The following FBXO17 variants were observed in gnomAD, a reference collection of about 807,000 sequenced individuals.
The protein encoded by FBXO17 is F-box protein 17.
In FBXO17, 43 loss-of-function variants were observed where a neutral mutation model predicts 34.1. The observed-to-expected ratio is 1.26, with a 90% confidence interval of 0.99 to 1.62. The LOEUF (loss-of-function observed/expected upper bound fraction) is 1.62. Ranked by LOEUF, FBXO17 falls within the 40% of genes most tolerant of loss-of-function variation. FBXO17 has a pLI of 0.00. For synonymous variants in FBXO17, 169 were observed against 166.0 expected, an observed-to-expected ratio of 1.02 and a Z score of -0.14; for missense variants, 424 against 386.7, an observed-to-expected ratio of 1.10 and a Z score of -0.81.
At chr19:38,974,306 G>C (rs1290731896) in intron 1 of FBXO17, among the ~76,000 whole-genome samples, 2 of 151,782 alleles carry the variant, frequency 1.3e-5, no homozygotes, top group Non-Finnish European at 2.9e-5. Context: ...TTGAATTCCT[G>C]ACCTCAGGTG....
intron 1 of FBXO17, among the ~76,000 whole-genome samples, chr19:38,960,041 C>G (rs1249366503): frequency 6.6e-6 from 1 of 152,148 alleles, no homozygotes; most frequent in Non-Finnish European, 1.5e-5. Context: ...CAAAAACTTT[C>G]CTCAAAGCCA....
chr19:38,945,037 T>C lies in FBXO17; in HGVS notation c.625A>G (p.Lys209Glu), dbSNP rs1340358323. ...LRVRLLDVYE[K>E]EVVKFSASPD... Reference sequence around the variant, plus strand: ...GAGGCTGAGAACTTGACCACTTCCTTTTCATACACATCCAGAAGGCGGACC... The same window carrying C: ...GAGGCTGAGAACTTGACCACTTCCTCTTCATACACATCCAGAAGGCGGACC... The change falls in exon 5 of 6, where the codon AAG becomes GAG. Residue 209 changes from lysine to glutamate, a missense_variant. Coordinates refer to ENST00000292852, the MANE Select transcript of FBXO17 (RefSeq NM_024907.7). The C allele has an allele frequency of 6.2e-7, 1 of 1,614,206 alleles. No individual in the cohort carries two copies.
intron 5 of FBXO17, among the ~76,000 whole-genome samples, chr19:38,943,932 T>C (rs1024059362): frequency 6.6e-6 from 1 of 152,184 alleles, no homozygotes; most frequent in African/African-American, 2.4e-5. Flanking sequence ...GGTTTTTAGT[T>C]GATTCACGAT....
At position 38,945,096 on chromosome 19, in the gene FBXO17, G is replaced by A; in HGVS notation, c.566C>T (p.Ala189Val). 1 of 1,614,138 alleles carries A rather than the reference G, an allele frequency of 6.2e-7. No individual in the cohort carries two copies. Among genetic ancestry groups the A allele is most frequent in the Non-Finnish European group, 8.5e-7 (1 of 1,180,032 alleles). The change falls in exon 5 of 6, where the codon GCT becomes GTT. Residue 189 changes from alanine (A) to valine (V), a missense_variant. By Grantham distance (64) the Ala-to-Val change is moderately conservative (BLOSUM62 0). Coordinates refer to ENST00000292852, the MANE Select transcript of FBXO17 (RefSeq NM_024907.7). ...IEICVADWWG[A>V]RENCGCVYQL... ...GTAGACGCAGCCGCAGTTCTCTCGAGCGCCCCACCTGCCAGGCAGCAGTCA... is the reference window on the plus strand; with the variant it reads ...GTAGACGCAGCCGCAGTTCTCTCGAACGCCCCACCTGCCAGGCAGCAGTCA...
At chr19:38,952,609 C>G (rs561914806) in intron 1 of FBXO17, 2 of 534,308 alleles carry the variant, frequency 3.7e-6, no homozygotes, top group African/African-American at 1.9e-5. Context: ...CAGATCATGA[C>G]TCCTCTCTTC....
rs76810166 is a variant in FBXO17, at chr19:38,965,155, A to G, written c.-18+10431T>C. On this transcript the variant is annotated intron_variant, in intron 1 of 5. Transcript: ENST00000292852. ...CATTTAAGTAAACAAGCAGAAGGAAAGTGAACTGACCCCAGAGGAAACAGA... is the reference window on the plus strand; with the variant it reads ...CATTTAAGTAAACAAGCAGAAGGAAGGTGAACTGACCCCAGAGGAAACAGA... Among the ~76,000 whole-genome samples, 813 of 152,224 alleles carry G rather than the reference A, an allele frequency of 5.3e-3. 3 individuals are homozygous for G. Among genetic ancestry groups the G allele is most frequent in the African/African-American group, 0.019 (796 of 41,552 alleles).
At chr19:38,956,406 T>G (rs1975168400) in intron 1 of FBXO17, among the ~76,000 whole-genome samples, 1 of 152,142 alleles carries the variant, frequency 6.6e-6, no homozygotes, top group African/African-American at 2.4e-5. Flanking sequence ...GAGCACTTAT[T>G]GGGCACATGA....
rs1974909397 is a variant in FBXO17, at chr19:38,942,700, C to G, written c.745G>C (p.Glu249Gln). 1 of 1,606,024 alleles carries G rather than the reference C, an allele frequency of 6.2e-7. No individual in the cohort carries two copies. Among genetic ancestry groups the G allele is most frequent in the Non-Finnish European group, 8.5e-7 (1 of 1,176,822 alleles). The change falls in exon 6 of 6, where the codon GAG becomes CAG. Residue 249 changes from glutamate (E) to glutamine (Q), a missense_variant. Physicochemically the swap from Glu to Gln is conservative, Grantham distance 29 (BLOSUM62 2). Transcript: ENST00000292852. ...FGKGIRYVSF[E>Q]QYGRDVSSWV... ...GAACTCACGTCTCTCCCGTACTGCT[C>G]AAAAGATACGTAGCGGATGCCCTTG... is the stretch of plus-strand genomic sequence containing the variant.
chr19:38,962,271 C>T (rs1410760094), intron 1 of FBXO17, among the ~76,000 whole-genome samples: 2 of 152,014 alleles, frequency 1.3e-5, no homozygotes, highest in Non-Finnish European at 2.9e-5. Flanking sequence ...TGACATGATG[C>T]TAAGTTTTTT....
chr19:38,949,906 G>A (rs1028821398), intron 2 of FBXO17, 65 bp downstream of exon 2: 2 of 1,442,254 alleles, frequency 1.4e-6, no homozygotes, highest in African/African-American at 2.9e-5. Flanking sequence ...ACTCTGTCCC[G>A]GCCCCGCCCC....
At chr19:38,945,254 GA>G (rs1974958481) in intron 4 of FBXO17, 150 bp from the exon 5 acceptor site, 2 of 1,050,308 alleles carry the variant, frequency 1.9e-6, no homozygotes, top group Non-Finnish European at 2.7e-6. Flanking sequence ...ACCTCTAGGG[GA>G]GGAGCCTTGG....
intron 1 of FBXO17, among the ~76,000 whole-genome samples, chr19:38,958,231 G>A (rs1314385077): frequency 1.3e-5 from 2 of 151,520 alleles, no homozygotes; most frequent in Admixed American, 6.6e-5. Flanking sequence ...AGCCAACATG[G>A]TGAAACCCGT....
At chr19:38,943,872 G>A (rs1471568947) in intron 5 of FBXO17, among the ~76,000 whole-genome samples, 2 of 152,206 alleles carry the variant, frequency 1.3e-5, no homozygotes, top group African/African-American at 4.8e-5. Flanking sequence ...TTACAGGCAT[G>A]AGCCACCACA....
At chr19:38,955,975 TTAATA>T (rs1231344168) in intron 1 of FBXO17, among the ~76,000 whole-genome samples, 2 of 152,000 alleles carry the variant, frequency 1.3e-5, no homozygotes, top group African/African-American at 4.8e-5. Context: ...TGATATTAAT[TTAATA>T]TTAGTCCAGG....
intron 1 of FBXO17, among the ~76,000 whole-genome samples, chr19:38,968,763 A>C (rs1568446372): frequency 6.6e-6 from 1 of 152,174 alleles, no homozygotes; most frequent in Non-Finnish European, 1.5e-5. Context: ...TAAACTCCAA[A>C]GCAATATGCT....
chr19:38,948,814 C>T (rs1975027494), intron 2 of FBXO17, 136 bp from the exon 3 acceptor site: 1 of 674,512 alleles, frequency 1.5e-6, no homozygotes, highest in East Asian at 2.8e-5. Context: ...CCTACCGACT[C>T]CTCCTCCCAT....
intron 1 of FBXO17, among the ~76,000 whole-genome samples, chr19:38,958,623 G>A (rs1429680775): frequency 6.6e-6 from 1 of 152,098 alleles, no homozygotes; most frequent in African/African-American, 2.4e-5. Flanking sequence ...GGGTTTTTGG[G>A]AGAGTGTGTG....
chr19:38,957,432 C>T (rs982763565), intron 1 of FBXO17, among the ~76,000 whole-genome samples: 4 of 151,974 alleles, frequency 2.6e-5, no homozygotes, highest in African/African-American at 7.2e-5. Flanking sequence ...CTGCAACCTC[C>T]GCCTCCCGGG....
Position 38,947,917 on chromosome 19 carries a change from G to T in FBXO17, c.461+650C>A, listed in dbSNP as rs145744589. 9.3e-5 allele frequency among the ~76,000 whole-genome samples: 14 copies of T among 150,146 alleles called. No individual in the cohort carries two copies. In the East Asian group the frequency reaches 2.9e-3, roughly 31 times the overall value. On this transcript the variant is annotated intron_variant, in intron 3 of 5. Transcript: ENST00000292852. The stretch of plus-strand genomic sequence containing the variant: ...ATAATAGTATCTATGTCACAGGGTT[G>T]TTGCCAGAATTATATGTAAAGTGTC...
Sources: allele counts gnomAD v4.1 joint callset (sites outside exome capture counted in the v4.1 genomes callset), GRCh38; gene constraint gnomAD v4.1.1; transcripts MANE v1.5; gene names NCBI Gene and HGNC (gene_info 2026-07-23, HGNC 2026-07-21).